Variants in APBA2 observed in about 807,000 individuals in gnomAD.
The protein encoded by APBA2 is amyloid beta precursor protein binding family A member 2.
APBA2 carries 30 observed loss-of-function variants against 75.0 expected under a neutral mutation model. That is an observed-to-expected ratio of 0.40 (90% CI 0.30 to 0.54). APBA2 has a LOEUF of 0.54. Among genes scored for constraint, APBA2 ranks in the 20% least tolerant of loss-of-function variants. The pLI is 0.49. For missense variants in APBA2, 801 were observed against 1,016.1 expected (o/e 0.79, Z 2.88); for synonymous variants, 444 against 409.6 (o/e 1.08, Z -1.01).
intron 1 of APBA2, among the ~76,000 whole-genome samples, chr15:28,915,214 C>T (rs1204369312): frequency 6.1e-5 from 4 of 66,066 alleles, no homozygotes; most frequent in Non-Finnish European, 1.3e-4. Flanking sequence ...ATAGCGCATA[C>T]ACACCACATA....
intron 4 of APBA2, among the ~76,000 whole-genome samples, chr15:29,065,956 TC>T (rs1223142080): frequency 6.6e-6 from 1 of 152,124 alleles, no homozygotes; most frequent in Non-Finnish European, 1.5e-5. Flanking sequence ...GAGACGCTGC[TC>T]CCCAAGAGCT....
intron 3 of APBA2, among the ~76,000 whole-genome samples, chr15:29,048,941 C>CA (rs58925070): frequency 0.061 from 6,748 of 109,762 alleles, 428 homozygotes; most frequent in African/African-American, 0.17. Flanking sequence ...GACTCAGTCT[C>CA]AAAAAAAAAA....
At chr15:28,938,618 A>G (rs1337508315) in intron 2 of APBA2, among the ~76,000 whole-genome samples, 3 of 151,932 alleles carry the variant, frequency 2.0e-5, no homozygotes, top group East Asian at 3.9e-4. Context: ...AGCGATTTTC[A>G]TGTCTCTGCC....
intron 2 of APBA2, among the ~76,000 whole-genome samples, chr15:28,938,868 A>G (rs2035027966): frequency 6.6e-6 from 1 of 152,240 alleles, no homozygotes; most frequent in Admixed American, 6.5e-5. Context: ...TACACATAAC[A>G]TAAAATACCA....
At chr15:28,944,970 G>A (rs985425745) in intron 2 of APBA2, among the ~76,000 whole-genome samples, 3 of 152,188 alleles carry the variant, frequency 2.0e-5, no homozygotes, top group African/African-American at 7.2e-5. Context: ...CCTTGCCCCC[G>A]CTTTGCCTAG....
chr15:29,057,335 T>G (rs2041944190), intron 4 of APBA2, among the ~76,000 whole-genome samples: 1 of 152,218 alleles, frequency 6.6e-6, no homozygotes, highest in African/African-American at 2.4e-5. Context: ...GAGGAAATTG[T>G]GTAGCAACCC....
chr15:29,096,338 G>A (rs1172824663), intron 8 of APBA2, among the ~76,000 whole-genome samples: 3 of 152,168 alleles, frequency 2.0e-5, no homozygotes, highest in Non-Finnish European at 4.4e-5. Context: ...AGGCTGGGTG[G>A]CTTCAGGCTG....
At chr15:28,928,164 C>T (rs1481656784) in intron 2 of APBA2, among the ~76,000 whole-genome samples, 1 of 134,162 alleles carries the variant, frequency 7.5e-6, no homozygotes, top group Admixed American at 7.4e-5. Context: ...AAAAAAGAAA[C>T]ATGTTGTCCT....
chr15:28,968,036 A>G (rs1419557690), intron 2 of APBA2, among the ~76,000 whole-genome samples: 1 of 152,230 alleles, frequency 6.6e-6, no homozygotes, highest in Admixed American at 6.5e-5. Context: ...CGTAAGTGGA[A>G]TCCTACAATA....
intron 5 of APBA2, 33 bp from the exon 6 acceptor site, chr15:29,076,022 T>A (rs2279497): frequency 0.04 from 64,848 of 1,607,902 alleles, 5,278 homozygotes; most frequent in African/African-American, 0.35. Flanking sequence ...TTAACAATTG[T>A]TATGTGTTTT....
chr15:29,017,410 TTTTTTTTTG>T (rs2039723369), intron 3 of APBA2, among the ~76,000 whole-genome samples: 1 of 143,194 alleles, frequency 7.0e-6, no homozygotes, highest in African/African-American at 2.6e-5. Context: ...TTTTTTTTTT[TTTTTTTTTG>T]AGATGGAATC....
intron 2 of APBA2, among the ~76,000 whole-genome samples, chr15:28,945,923 C>T (rs868150481): frequency 1.3e-5 from 2 of 152,106 alleles, no homozygotes; most frequent in African/African-American, 4.8e-5. Flanking sequence ...GACTCTGGGC[C>T]GACAGTGTAT....
At chr15:28,964,207 A>G (rs2036618383) in intron 2 of APBA2, among the ~76,000 whole-genome samples, 1 of 152,140 alleles carries the variant, frequency 6.6e-6, no homozygotes, top group South Asian at 2.1e-4. Flanking sequence ...TGGTAAATTC[A>G]TTTTTACTTT....
At chr15:29,063,913 G>T (rs1348885342) in intron 4 of APBA2, among the ~76,000 whole-genome samples, 1 of 152,204 alleles carries the variant, frequency 6.6e-6, no homozygotes, top group Non-Finnish European at 1.5e-5. Flanking sequence ...ACCAGGACTG[G>T]TCAGGGCCAC....
intron 4 of APBA2, among the ~76,000 whole-genome samples, 173 bp downstream of exon 4, chr15:29,055,008 C>A (rs937836071): frequency 6.6e-6 from 1 of 152,178 alleles, no homozygotes; most frequent in Admixed American, 6.5e-5. Flanking sequence ...TGCGTGGATG[C>A]TCCGGCCACT....
chr15:29,040,863 C>A (rs1027162074), intron 3 of APBA2, among the ~76,000 whole-genome samples: 25 of 151,822 alleles, frequency 1.6e-4, no homozygotes. Flanking sequence ...TTTTAAATGA[C>A]CCAGTTCTCA....
At chr15:29,047,580 C>T (rs907063819) in intron 3 of APBA2, among the ~76,000 whole-genome samples, 3 of 151,986 alleles carry the variant, frequency 2.0e-5, no homozygotes, top group African/African-American at 7.3e-5. Flanking sequence ...CCCTGATCTC[C>T]CCCTGGTTCA....
intron 4 of APBA2, chr15:29,070,850 C>T: frequency 3.1e-6 from 1 of 326,524 alleles, no homozygotes; most frequent in Non-Finnish European, 6.0e-6. Context: ...GGGATGATCG[C>T]CTCTTTTGAA....
intron 4 of APBA2, among the ~76,000 whole-genome samples, chr15:29,056,658 TC>T: frequency 7.5e-6 from 1 of 133,308 alleles, no homozygotes; most frequent in Non-Finnish European, 1.6e-5. Flanking sequence ...TCTCTCTCTC[TC>T]TCTCTTTCTT....
Sources: gnomAD v4.1 joint callset for allele counts (sites outside exome capture counted in the v4.1 genomes callset) on GRCh38, gnomAD v4.1.1 for gene constraint, MANE v1.5 for transcripts, NCBI Gene and HGNC (gene_info 2026-07-23, HGNC 2026-07-21) for gene names.